The following FGD6 variants were observed in gnomAD, a reference collection of about 807,000 sequenced individuals.
The protein encoded by FGD6 is FYVE, RhoGEF and PH domain-containing protein 6.
FGD6 carries 90 observed loss-of-function variants against 149.4 expected under a neutral mutation model. The observed-to-expected ratio is 0.60, with a 90% CI of 0.51 to 0.72. The LOEUF is 0.72. Among genes scored for constraint, FGD6 ranks in the 30% least tolerant of loss-of-function variants. FGD6 has a pLI of 0.00. For missense variants in FGD6, 1,437 were observed against 1,684.8 expected (o/e 0.85, Z 2.57); for synonymous variants, 527 against 584.0 (o/e 0.90, Z 1.41).
At chr12:95,141,172 G>A (rs541862496) in intron 6 of FGD6, among the ~76,000 whole-genome samples, 3 of 152,292 alleles carry the variant, frequency 2.0e-5, no homozygotes, top group South Asian at 2.1e-4. Context: ...GCAGTGAGCC[G>A]AGATTGTGCC....
Position 95,148,509 on chromosome 12 carries a change from ATATAT to A in FGD6, c.2685+4297_2685+4301del, listed in dbSNP as rs1247619420. ...ATATATATATAATATAATATATAGC[ATATAT>A]TATATTATATATTATATAATATATA... On this transcript the variant is annotated intron_variant, in intron 5 of 20. Transcript: ENST00000343958. Among the ~76,000 whole-genome samples, 49 of 117,960 alleles carry A rather than the reference ATATAT, an allele frequency of 4.2e-4. 2 individuals carry two copies. In the Middle Eastern group the frequency reaches 0.017, roughly 41 times the overall value. 77.4% of individuals were successfully genotyped at this position (117,960 alleles called of 152,430 possible). A position where few individuals can be genotyped will look rare whatever the true frequency, so the allele number is the denominator to read the frequency against.
At chr12:95,155,625 A>C (rs1346042008) in intron 3 of FGD6, among the ~76,000 whole-genome samples, 1 of 152,214 alleles carries the variant, frequency 6.6e-6, no homozygotes, top group East Asian at 1.9e-4. Context: ...TTTTGCATTC[A>C]TTCTTTTTAT....
intron 3 of FGD6, among the ~76,000 whole-genome samples, chr12:95,164,962 TA>T (rs987793210): frequency 6.6e-6 from 1 of 152,076 alleles, no homozygotes; most frequent in Non-Finnish European, 1.5e-5. Flanking sequence ...AAAGATTTTT[TA>T]AAAAAACAAG....
Position 95,210,455 on chromosome 12 carries a change from T to C in FGD6, c.829A>G (p.Asn277Asp), listed in dbSNP as rs777151228. 6.2e-7 allele frequency: 1 copy of C among 1,614,136 alleles called. No individual in the cohort carries two copies. Among genetic ancestry groups the C allele is most frequent in the Non-Finnish European group, 8.5e-7 (1 of 1,180,028 alleles). ...GATATTAAAGTACTCCTTTTCCCAT[T>C]TTCCAGAGCCTCTAGTTCAGATGAC... ...FQSSELEALE[N>D]GKRSTLISSD... The change falls in exon 2 of 21, where the codon AAT (asparagine) becomes GAT (aspartate). Residue 277 changes from asparagine to aspartate, a missense_variant. By Grantham distance (23) the Asn-to-Asp change is conservative (BLOSUM62 1). Coordinates refer to ENST00000343958, the MANE Select transcript of FGD6 (RefSeq NM_018351.4).
chr12:95,211,158 T>C lies in FGD6; in HGVS notation c.126A>G (p.Pro42=). The change falls in exon 2 of 21, where the codon CCA becomes CCG. Residue 42 remains proline, a synonymous_variant. Transcript: ENST00000343958. ...CTGGTTTCATTTTCTTTGTCGACTG[T>C]GGAACACTAGAAATCACAATGTCGG... is the stretch of plus-strand genomic sequence containing the variant. ...PKPDIVISSV[P]QSTKKMKPAI... is the part of the protein sequence containing the mutation. 1 of 1,614,178 alleles carries C rather than the reference T, an allele frequency of 6.2e-7. No homozygotes were observed.
chr12:95,151,793 A>G (rs1880315665), intron 5 of FGD6, among the ~76,000 whole-genome samples: 1 of 152,210 alleles, frequency 6.6e-6, no homozygotes, highest in African/African-American at 2.4e-5. Context: ...ACACCACATA[A>G]GTAAACTGTC....
chr12:95,115,989 T>C (rs1236435304), intron 8 of FGD6, among the ~76,000 whole-genome samples: 1 of 152,126 alleles, frequency 6.6e-6, no homozygotes, highest in Non-Finnish European at 1.5e-5. Flanking sequence ...CCAGAGACCA[T>C]CGCTAGCAAT....
intron 14 of FGD6, among the ~76,000 whole-genome samples, chr12:95,096,473 CTCTT>C (rs1878235823): frequency 6.6e-6 from 1 of 152,104 alleles, no homozygotes; most frequent in Non-Finnish European, 1.5e-5. Flanking sequence ...AAGAAATAAT[CTCTT>C]TCTCTCTAAA....
intron 8 of FGD6, among the ~76,000 whole-genome samples, chr12:95,121,223 T>C (rs1879174760): frequency 6.6e-6 from 1 of 151,888 alleles, no homozygotes; most frequent in Non-Finnish European, 1.5e-5. Context: ...GCAGATCACT[T>C]GAGGTCAGTT....
chr12:95,205,803 G>A (rs966758780), intron 2 of FGD6, among the ~76,000 whole-genome samples: 2 of 152,176 alleles, frequency 1.3e-5, no homozygotes, highest in African/African-American at 4.8e-5. Flanking sequence ...CAGGGCTTTT[G>A]ATTCCTCTGG....
chr12:95,178,433 C>T (rs1881191778), intron 2 of FGD6, among the ~76,000 whole-genome samples: 1 of 152,122 alleles, frequency 6.6e-6, no homozygotes, highest in Non-Finnish European at 1.5e-5. Flanking sequence ...GGTCTTTCTC[C>T]ACTCCTAACT....
At chr12:95,197,481 A>C (rs1881761232) in intron 2 of FGD6, among the ~76,000 whole-genome samples, 2 of 152,130 alleles carry the variant, frequency 1.3e-5, no homozygotes, top group Admixed American at 1.3e-4. Flanking sequence ...GGCTCCATAA[A>C]GTCTTCCTTC....
At chr12:95,092,150 T>G (rs1214628665) in intron 16 of FGD6, among the ~76,000 whole-genome samples, 1 of 152,214 alleles carries the variant, frequency 6.6e-6, no homozygotes, top group Non-Finnish European at 1.5e-5. Context: ...GTCATCATCA[T>G]AATCACTGCT....
At chr12:95,123,111 G>A (rs140330894) in intron 8 of FGD6, among the ~76,000 whole-genome samples, 230 of 150,912 alleles carry the variant, frequency 1.5e-3, no homozygotes, top group Admixed American at 2.6e-3. Flanking sequence ...AATTAGAAAA[G>A]GTCCCTTTCC....
intron 3 of FGD6, among the ~76,000 whole-genome samples, chr12:95,162,049 AG>A (rs1226451026): frequency 6.8e-6 from 1 of 146,874 alleles, no homozygotes; most frequent in Non-Finnish European, 1.5e-5. Flanking sequence ...GGATCACTTG[AG>A]GCCAGGAATT....
At chr12:95,137,040 G>T (rs1879686349) in intron 7 of FGD6, among the ~76,000 whole-genome samples, 1 of 152,168 alleles carries the variant, frequency 6.6e-6, no homozygotes, top group Non-Finnish European at 1.5e-5. Flanking sequence ...CACTTTGGGA[G>T]GCCGAGCAGG....
rs551563203 is a variant in FGD6, at chr12:95,169,923, C to A, written c.2586+2677G>T. On this transcript the variant is annotated intron_variant, in intron 3 of 20. Transcript: ENST00000343958. ...ATCACCTGAGGTCAGTAGTTTAAGA[C>A]CAGCCTGGCCAACATGGTGAAACTC... Among the ~76,000 whole-genome samples the A allele has an allele frequency of 2.0e-5, 3 of 152,050 alleles. No homozygotes were observed. The East Asian group carries it at 5.8e-4, about 30-fold the overall frequency.
chr12:95,216,044 A>G (rs1173749983), intron 1 of FGD6, among the ~76,000 whole-genome samples: 1 of 152,250 alleles, frequency 6.6e-6, no homozygotes, highest in Non-Finnish European at 1.5e-5. Context: ...GATATCTCAT[A>G]TAAGTGCATA....
chr12:95,091,523 C>G (rs1398413545), intron 17 of FGD6, among the ~76,000 whole-genome samples, 184 bp downstream of exon 17: 1 of 152,098 alleles, frequency 6.6e-6, no homozygotes, highest in Non-Finnish European at 1.5e-5. Flanking sequence ...AGACTGAAAC[C>G]AAATTTCAGC....
Sources: gnomAD v4.1 joint callset for allele counts (sites outside exome capture counted in the v4.1 genomes callset) on GRCh38, gnomAD v4.1.1 for gene constraint, MANE v1.5 for transcripts, NCBI Gene and HGNC (gene_info 2026-07-23, HGNC 2026-07-21) for gene names.